ARHGEF26: variants seen among roughly 807,000 people sequenced by gnomAD.
ARHGEF26 encodes the protein Rho guanine nucleotide exchange factor (GEF) 26.
In ARHGEF26, 59 loss-of-function variants were observed where a neutral mutation model predicts 89.4. The ratio of observed to expected loss-of-function variants is 0.66; its 90% CI spans 0.54 to 0.82. ARHGEF26 has a LOEUF of 0.82. ARHGEF26 is among the 40% of genes least tolerant of loss of function. The pLI is 0.00. For missense variants in ARHGEF26, 1,234 were observed against 1,085.6 expected, an observed-to-expected ratio of 1.14 and a Z score of -1.92; for synonymous variants, 500 against 428.4, an observed-to-expected ratio of 1.17 and a Z score of -2.06.
At chr3:154,187,486 A>G (rs947387907) in intron 6 of ARHGEF26, among the ~76,000 whole-genome samples, 199 bp from the exon 7 acceptor site, 3 of 151,808 alleles carry the variant, frequency 2.0e-5, no homozygotes, top group Non-Finnish European at 4.4e-5. Flanking sequence ...GTGAGCCACA[A>G]TGCTCATCCT....
intron 9 of ARHGEF26, among the ~76,000 whole-genome samples, chr3:154,207,950 G>C (rs1715132419): frequency 1.3e-5 from 2 of 152,158 alleles, no homozygotes; most frequent in South Asian, 4.1e-4. Context: ...GCAGGGACAT[G>C]GATGGAACTG....
chr3:154,123,885 T>A (rs1431086985), intron 2 of ARHGEF26, among the ~76,000 whole-genome samples: 2 of 147,392 alleles, frequency 1.4e-5, no homozygotes, highest in Non-Finnish European at 3.0e-5. Flanking sequence ...GTGTGCTTCC[T>A]TCCACAGAAA....
intron 4 of ARHGEF26, among the ~76,000 whole-genome samples, chr3:154,139,680 T>C (rs943542064): frequency 2.0e-5 from 3 of 152,200 alleles, no homozygotes; most frequent in Non-Finnish European, 4.4e-5. Flanking sequence ...TCCATGATGA[T>C]TGGAGAGTGT....
At chr3:154,138,695 A>G (rs1374752406) in intron 4 of ARHGEF26, among the ~76,000 whole-genome samples, 2 of 152,214 alleles carry the variant, frequency 1.3e-5, no homozygotes, top group Non-Finnish European at 2.9e-5. Context: ...TGTTTCAACT[A>G]CAAACCTACA....
chr3:154,150,409 G>A (rs1482678684), intron 5 of ARHGEF26, among the ~76,000 whole-genome samples: 3 of 151,876 alleles, frequency 2.0e-5, no homozygotes, highest in Non-Finnish European at 4.4e-5. Context: ...TATACTTCCA[G>A]CCTGTGTTTT....
chr3:154,133,793 A>G (rs1248381354), intron 4 of ARHGEF26, among the ~76,000 whole-genome samples: 1 of 152,190 alleles, frequency 6.6e-6, no homozygotes, highest in African/African-American at 2.4e-5. Flanking sequence ...TTTGGGCAGT[A>G]TGGCCATTTT....
chr3:154,165,032 A>G (rs1180127631), intron 6 of ARHGEF26, among the ~76,000 whole-genome samples: 1 of 152,152 alleles, frequency 6.6e-6, no homozygotes, highest in East Asian at 1.9e-4. Context: ...TGTCACAGGT[A>G]TAGATTTAAT....
chr3:154,204,216 A>G (rs936987397), intron 9 of ARHGEF26, among the ~76,000 whole-genome samples: 24 of 151,482 alleles, frequency 1.6e-4, no homozygotes, highest in African/African-American at 2.9e-4. Flanking sequence ...TCTTGGTTCA[A>G]TCTTGGTAGG....
chr3:154,175,754 T>C (rs35510999), intron 6 of ARHGEF26, among the ~76,000 whole-genome samples: 25,170 of 152,150 alleles, frequency 0.17, 2,523 homozygotes, highest in East Asian at 0.41. Context: ...GTATTGGCAC[T>C]GTATGTTTTG....
At chr3:154,227,517 G>A (rs1306057204) in intron 11 of ARHGEF26, among the ~76,000 whole-genome samples, 7 of 152,086 alleles carry the variant, frequency 4.6e-5, no homozygotes, top group African/African-American at 7.2e-5. Flanking sequence ...TCCTGACCTC[G>A]TGATCTGCCT....
intron 10 of ARHGEF26, among the ~76,000 whole-genome samples, chr3:154,218,500 GA>G (rs1559907328): frequency 6.6e-6 from 1 of 152,124 alleles, no homozygotes; most frequent in African/African-American, 2.4e-5. Context: ...CAAAAAAGAA[GA>G]AAATGACAGC....
intron 9 of ARHGEF26, among the ~76,000 whole-genome samples, chr3:154,200,891 T>G (rs1162846325): frequency 6.6e-6 from 1 of 152,140 alleles, no homozygotes; most frequent in Non-Finnish European, 1.5e-5. Context: ...TTCACATTGT[T>G]CACTGTTGGC....
At chr3:154,204,664 T>A (rs2108219189) in intron 9 of ARHGEF26, among the ~76,000 whole-genome samples, 1 of 152,332 alleles carries the variant, frequency 6.6e-6, no homozygotes, top group South Asian at 2.1e-4. Flanking sequence ...CTTACAGCTA[T>A]AAAATTCCCT....
At chr3:154,124,259 C>G in intron 2 of ARHGEF26, 151 bp from the exon 3 acceptor site, 1 of 606,320 alleles carries the variant, frequency 1.6e-6, no homozygotes, top group Non-Finnish European at 2.8e-6. Context: ...TCCTCCAGGG[C>G]TCAGCTTCTG....
chr3:154,196,540 T>TAATA (rs1714302941), intron 9 of ARHGEF26, among the ~76,000 whole-genome samples: 1 of 152,226 alleles, frequency 6.6e-6, no homozygotes, highest in Non-Finnish European at 1.5e-5. Flanking sequence ...TCCTTGCCAA[T>TAATA]AATATTTACA....
chr3:154,255,434 G>A lies in ARHGEF26; in HGVS notation c.2577G>A (p.Glu859=), dbSNP rs1559932617. 4.3e-6 allele frequency: 7 copies of A among 1,613,886 alleles called. No homozygotes were observed. The highest frequency in any genetic ancestry group is 5.1e-6 in the Non-Finnish European group (6 of 1,179,874). The part of the protein sequence containing the change: ...TCQATIDKNV[E]RMGRLLGLET... Reference sequence around the variant, plus strand: ...AAGCTACAATTGATAAGAATGTGGAGAGAATGGGACGCTTGCTAGGACTGG... The same window carrying A: ...AAGCTACAATTGATAAGAATGTGGAAAGAATGGGACGCTTGCTAGGACTGG... The change falls in exon 15 of 15, where the codon GAG becomes GAA. Residue 859 remains glutamate, a synonymous_variant. Transcript: ENST00000465093.
intron 4 of ARHGEF26, among the ~76,000 whole-genome samples, chr3:154,144,251 G>T (rs1238569859): frequency 6.6e-6 from 1 of 152,158 alleles, no homozygotes; most frequent in Non-Finnish European, 1.5e-5. Flanking sequence ...GGACAGGCCG[G>T]CCCAAGTTTG....
intron 4 of ARHGEF26, among the ~76,000 whole-genome samples, chr3:154,132,403 T>G (rs1412509229): frequency 6.6e-6 from 1 of 152,162 alleles, no homozygotes; most frequent in Non-Finnish European, 1.5e-5. Context: ...ATCCCTGACG[T>G]TCTCTTCTGT....
At chr3:154,135,867 C>A (rs1445919677) in intron 4 of ARHGEF26, among the ~76,000 whole-genome samples, 1 of 152,164 alleles carries the variant, frequency 6.6e-6, no homozygotes, top group African/African-American at 2.4e-5. Flanking sequence ...AGTACCCCCT[C>A]CACCTCTCCA....
Sources: allele counts gnomAD v4.1 joint callset (sites outside exome capture counted in the v4.1 genomes callset), GRCh38; gene constraint gnomAD v4.1.1; transcripts MANE v1.5; gene names NCBI Gene and HGNC (gene_info 2026-07-23, HGNC 2026-07-21).